Variants in MYO15A observed in about 807,000 individuals in gnomAD.
MYO15A encodes the protein unconventional myosin-XV.
In MYO15A, 308 loss-of-function variants were observed where a neutral mutation model predicts 394.6. The ratio of observed to expected loss-of-function variants is 0.78; its 90% CI spans 0.71 to 0.86. MYO15A has a LOEUF of 0.86. Among genes scored for constraint, MYO15A ranks in the 40% least tolerant of loss-of-function variants. The pLI is 0.00. For synonymous variants in MYO15A, 1,957 were observed against 2,003.8 expected, an observed-to-expected ratio of 0.98 and a Z score of 0.62; for missense variants, 4,606 against 4,799.1, an observed-to-expected ratio of 0.96 and a Z score of 1.19.
chr17:18,139,039 A>G, intron 18 of MYO15A, 103 bp downstream of exon 18: 2 of 1,500,678 alleles, frequency 1.3e-6, no homozygotes, highest in South Asian at 1.2e-5. Flanking sequence ...AGCCAGGTCC[A>G]ATTCTGGCTC....
Position 18,153,789 on chromosome 17 carries a change from T to C in MYO15A, c.7981T>C (p.Ser2661Pro). 1 of 1,613,644 alleles carries C rather than the reference T, an allele frequency of 6.2e-7. No individual in the cohort carries two copies. Among genetic ancestry groups the C allele is most frequent in the Non-Finnish European group, 8.5e-7 (1 of 1,179,966 alleles). The change falls in exon 43 of 66, where the codon TCG (serine) becomes CCG (proline). Residue 2661 changes from serine to proline, a missense_variant. Coordinates refer to ENST00000647165, the MANE Select transcript of MYO15A (RefSeq NM_016239.4). This position sits in a 1 kb window ranked among gnomAD's most constrained non-coding sequence, Gnocchi z 4.1. ...GCGCTCTCCAGCTCTGCCCTCGCGATCGCTGGAGCCCCCTGAGGAACTCAC... is the reference window on the plus strand; with the variant it reads ...GCGCTCTCCAGCTCTGCCCTCGCGACCGCTGGAGCCCCCTGAGGAACTCAC... ...MAPTSALPSRSLEPPEELTQT... is the reference protein window; with the variant it reads ...MAPTSALPSRPLEPPEELTQT...
At position 18,142,780 on chromosome 17, in the gene MYO15A, G is replaced by T. The variant is rs776537282; in HGVS notation, c.5850G>T (p.Arg1950Ser). The change falls in exon 25 of 66, where the codon AGG becomes AGT. Residue 1950 changes from arginine (R) to serine (S), a missense_variant. By Grantham distance (110) the Arg-to-Ser change is moderately radical (BLOSUM62 -1). This residue lies in a region of MYO15A where 2,776 missense variants were observed against 3,109.3 expected (regional missense o/e 0.89). Transcript: ENST00000647165. ...GGCAACGCTATCAGCAGATGAGGAG[G>T]AGTCTGGTGAAGTTCCGGTCCCTGG... Reference protein sequence around the residue: ...LARQRYQQMRRSLVKFRSLVH... With the variant: ...LARQRYQQMRSSLVKFRSLVH... 3 of 1,613,754 alleles carry T rather than the reference G, an allele frequency of 1.9e-6. No individual in the cohort carries two copies. The highest frequency in any genetic ancestry group is 2.5e-6 in the Non-Finnish European group (3 of 1,179,958).
At chr17:18,164,172 TGGAACCTATA>T (rs781252928) in intron 60 of MYO15A, 14 of 386,128 alleles carry the variant, frequency 3.6e-5, no homozygotes, top group East Asian at 6.3e-5. Context: ...CCGCATATTA[TGGAACCTATA>T]GGAACCTATA....
At chr17:18,158,270 G>C in intron 51 of MYO15A, 1 of 592,206 alleles carries the variant, frequency 1.7e-6, no homozygotes. Flanking sequence ...GCTGTGACGT[G>C]GCAGTTGCGG....
In MYO15A at chr17:18,157,721, G is replaced by A. The variant is rs1458526051; in HGVS notation, c.8789-1G>A. ...GCCTCAGACCTTTTACCCACCCCTAGGCTGGAGGTTCGGGACCATCCACGG... is the reference window on the plus strand; with the variant it reads ...GCCTCAGACCTTTTACCCACCCCTAAGCTGGAGGTTCGGGACCATCCACGG... On this transcript the variant is annotated splice_acceptor_variant, in intron 50 of 65. Transcript: ENST00000647165. LOFTEE classifies it high-confidence loss of function. 6.2e-7 allele frequency: 1 copy of A among 1,605,604 alleles called. No individual in the cohort carries two copies. Among genetic ancestry groups the A allele is most frequent in the Admixed American group, 1.7e-5 (1 of 60,002 alleles).
At chr17:18,149,158 T>C (rs1222820425) in intron 33 of MYO15A, 58 bp from the exon 34 acceptor site, 11 of 1,606,158 alleles carry the variant, frequency 6.8e-6, no homozygotes, top group Non-Finnish European at 9.4e-6. Context: ...AGAAGAAAAT[T>C]TGGGGGATTC....
At chr17:18,154,407 A>T (rs2046638008) in intron 44 of MYO15A, among the ~76,000 whole-genome samples, 1 of 152,212 alleles carries the variant, frequency 6.6e-6, no homozygotes. Flanking sequence ...TCTGAGCTAG[A>T]CATGGCCCAG....
chr17:18,109,078 G>A (rs2045690436), intron 1 of MYO15A: 1 of 152,316 alleles, frequency 6.6e-6, no homozygotes, highest in African/African-American at 2.4e-5. Flanking sequence ...TGACTGTCCT[G>A]ATGCCTGGCC....
chr17:18,122,453 T>C (rs181447602), intron 2 of MYO15A, 44 bp downstream of exon 2: 1 of 1,588,218 alleles, frequency 6.3e-7, no homozygotes, highest in East Asian at 2.2e-5. Flanking sequence ...GGTTCTGGCC[T>C]AGGAAACAGG....
At chr17:18,157,631 G>A in intron 50 of MYO15A, 91 bp from the exon 51 acceptor site, 1 of 1,583,930 alleles carries the variant, frequency 6.3e-7, no homozygotes. Flanking sequence ...TCCAGAGAAG[G>A]GTTAAGAATG....
At position 18,158,516 on chromosome 17, in the gene MYO15A, T is replaced by C. The variant is rs771273195; in HGVS notation, c.8968-7T>C. 31 of 1,613,628 alleles carry C rather than the reference T, an allele frequency of 1.9e-5. No individual in the cohort carries two copies. Among genetic ancestry groups the C allele is most frequent in the Non-Finnish European group, 2.5e-5 (29 of 1,179,750 alleles). On this transcript the variant is annotated splice_region_variant and splice_polypyrimidine_tract_variant and intron_variant, in intron 51 of 65. Transcript: ENST00000647165. ...ACTGGGCCTTCCTAGCTCCGCCTCT[T>C]CTGCAGGGTCCCCCAGTCAGGGCCC...
intron 1 of MYO15A, among the ~76,000 whole-genome samples, chr17:18,111,047 T>C (rs575766424): frequency 6.6e-6 from 1 of 152,334 alleles, no homozygotes; most frequent in African/African-American, 2.4e-5. Context: ...CTGCTTAAAG[T>C]CTGCATCCAG....
At position 18,121,696 on chromosome 17, in the gene MYO15A, C is replaced by T; in HGVS notation, c.2896C>T (p.Gln966Ter). The T allele has an allele frequency of 6.2e-7, 1 of 1,607,944 alleles. No homozygotes were observed. The highest frequency in any genetic ancestry group is 8.5e-7 in the Non-Finnish European group (1 of 1,176,792). ...CCCTGTGCCGGAAAACCCCTTTCTC[C>T]AGCTCCTGGGCCCTGTGCCATCCCC... ...PPPVPENPFL[Q>*]LLGPVPSPTL... Residue 966 changes from glutamine (Q) to a stop codon, truncating the protein, a stop_gained, in exon 2 of 66, where the codon CAG becomes TAG. Coordinates refer to ENST00000647165, the MANE Select transcript of MYO15A (RefSeq NM_016239.4). LOFTEE classifies it high-confidence loss of function. The surrounding 1 kb of genome is among the most constrained non-coding windows in gnomAD (Gnocchi z 5.3).
At position 18,118,846 on chromosome 17, in the gene MYO15A, A is replaced by G; in HGVS notation, c.46A>G (p.Lys16Glu). Residue 16 changes from lysine to glutamate, a missense_variant, in exon 2 of 66, where the codon AAG becomes GAG. By Grantham distance (56) the Lys-to-Glu change is moderately conservative. Around this residue, in one of 2 missense-constraint regions of MYO15A, gnomAD observed 1,830 missense variants for 1,689.7 expected, o/e 1.08. Coordinates refer to ENST00000647165, the MANE Select transcript of MYO15A (RefSeq NM_016239.4). ...DEEKKAKKGK[K>E]GKKAPEPEKP... ...GGAGAAGAAAGCCAAGAAAGGGAAGAAGGGGAAGAAGGCACCGGAGCCGGA... is the reference window on the plus strand; with the variant it reads ...GGAGAAGAAAGCCAAGAAAGGGAAGGAGGGGAAGAAGGCACCGGAGCCGGA... The G allele has an allele frequency of 6.2e-7, 1 of 1,612,132 alleles. No homozygotes were observed. Among genetic ancestry groups the G allele is most frequent in the South Asian group, 1.1e-5 (1 of 90,696 alleles).
chr17:18,157,461 T>C, intron 50 of MYO15A: 1 of 887,906 alleles, frequency 1.1e-6, no homozygotes, highest in South Asian at 1.6e-5. Context: ...TGAATCTCTC[T>C]TTATGTCTCC....
chr17:18,150,282 G>A lies in MYO15A; in HGVS notation c.7213-147G>A. The A allele has an allele frequency of 1.4e-6, 1 of 738,570 alleles. No homozygotes were observed. Among genetic ancestry groups the A allele is most frequent in the South Asian group, 1.5e-5 (1 of 67,706 alleles). The allele number at this position is 738,570 out of a possible 1,614,324, so 45.8% of individuals were successfully genotyped here. On this transcript the variant is annotated intron_variant, in intron 35 of 65. Transcript: ENST00000647165. This position sits in a 1 kb window ranked among gnomAD's most constrained non-coding sequence, Gnocchi z 4.4. ...CTGATTGGGATGCCATAGGGGTAAA[G>A]GCTGAGCATACAGCAGACACTGAGC...
chr17:18,167,956 T>C (rs1483770408), intron 62 of MYO15A, among the ~76,000 whole-genome samples: 1 of 152,168 alleles, frequency 6.6e-6, no homozygotes, highest in African/African-American at 2.4e-5. Context: ...TATTATTAGC[T>C]CAGAGCAAAG....
chr17:18,156,823 T>A (rs1204236386), intron 48 of MYO15A, 131 bp from the exon 49 acceptor site: 4 of 827,844 alleles, frequency 4.8e-6, no homozygotes, highest in Non-Finnish European at 8.2e-6. Context: ...AGAATGCCCT[T>A]CCCTCTTCTC....
At position 18,167,693 on chromosome 17, in the gene MYO15A, G is replaced by A. The variant is rs774358713; in HGVS notation, c.10052G>A (p.Arg3351His). 1.1e-5 allele frequency: 17 copies of A among 1,603,890 alleles called. No homozygotes were observed. Among genetic ancestry groups the A allele is most frequent in the South Asian group, 2.2e-5 (2 of 91,094 alleles). ...TCCAAGCTGGCTTCACTGCAGCATCGCGCCAAGGACCACTTCTACCTGCCG... is the reference window on the plus strand; with the variant it reads ...TCCAAGCTGGCTTCACTGCAGCATCACGCCAAGGACCACTTCTACCTGCCG... ...QVSKLASLQH[R>H]AKDHFYLPSV... The change falls in exon 62 of 66, where the codon CGC becomes CAC. Residue 3351 changes from arginine to histidine, a missense_variant. Transcript: ENST00000647165.
Sources: gnomAD v4.1 joint callset for allele counts (sites outside exome capture counted in the v4.1 genomes callset) on GRCh38, gnomAD v4.1.1 for gene constraint, gnomAD v4.1.1 regional missense constraint, Gnocchi (gnomAD v3.1) non-coding constraint, MANE v1.5 for transcripts, NCBI Gene and HGNC (gene_info 2026-07-23, HGNC 2026-07-21) for gene names.